The following FBXL20 variants were observed in gnomAD, a reference collection of about 807,000 sequenced individuals.
FBXL20 encodes F-box/LRR-repeat protein 20.
A neutral mutation model predicts 64.0 loss-of-function variants in FBXL20; 11 were observed. The ratio of observed to expected loss-of-function variants is 0.17; its 90% CI spans 0.11 to 0.28. The LOEUF is 0.28. Ranked by LOEUF, FBXL20 falls within the 10% of genes least tolerant of loss-of-function variation. The probability of loss-of-function intolerance (pLI) is 1.00; values close to 1 mark genes in which losing one functional copy is unlikely to be tolerated. For synonymous variants in FBXL20, 184 were observed against 189.0 expected (o/e 0.97, Z 0.22); for missense variants, 303 against 526.2 (o/e 0.58, Z 4.15).
chr17:39,358,306 C>T, intron 1 of FBXL20, among the ~76,000 whole-genome samples: 1 of 152,206 alleles, frequency 6.6e-6, no homozygotes. Context: ...GATTTAAATA[C>T]TAACCTCTTC....
chr17:39,340,175 C>T (rs537927481), intron 2 of FBXL20, among the ~76,000 whole-genome samples: 191 of 152,160 alleles, frequency 1.3e-3, no homozygotes, highest in Non-Finnish European at 2.1e-3. Flanking sequence ...TGGCTCACTG[C>T]AACCTCTGCC....
chr17:39,294,290 T>C (rs1410986906), intron 6 of FBXL20, among the ~76,000 whole-genome samples: 1 of 151,712 alleles, frequency 6.6e-6, no homozygotes, highest in African/African-American at 2.4e-5. Context: ...TTTATTATTT[T>C]TTTGAGACAG....
intron 1 of FBXL20, among the ~76,000 whole-genome samples, chr17:39,391,353 TAGCAG>T (rs1192475560): frequency 6.6e-6 from 1 of 152,096 alleles, no homozygotes; most frequent in East Asian, 1.9e-4. Flanking sequence ...TTTTCTTTAA[TAGCAG>T]ATGTAAGCAA....
intron 1 of FBXL20, among the ~76,000 whole-genome samples, chr17:39,389,490 G>A (rs140094680): frequency 0.015 from 2,286 of 152,304 alleles, 31 homozygotes; most frequent in Non-Finnish European, 0.021. Flanking sequence ...CAAGTGCAGT[G>A]GGAAAGGGTA....
intron 9 of FBXL20, among the ~76,000 whole-genome samples, chr17:39,277,474 A>G (rs1014465449): frequency 2.0e-5 from 3 of 152,168 alleles, no homozygotes; most frequent in African/African-American, 7.2e-5. Context: ...AAAAAATTGT[A>G]GGCCAGGCAC....
intron 9 of FBXL20, among the ~76,000 whole-genome samples, chr17:39,275,522 G>A (rs1393367532): frequency 1.3e-5 from 2 of 151,756 alleles, no homozygotes; most frequent in Admixed American, 1.3e-4. Context: ...AGCGATTCTC[G>A]TGCCTCAGCC....
chr17:39,394,089 C>G (rs2048159995), intron 1 of FBXL20, among the ~76,000 whole-genome samples: 1 of 152,152 alleles, frequency 6.6e-6, no homozygotes, highest in South Asian at 2.1e-4. Context: ...CTTAGTCTCA[C>G]TAAGTCTGGA....
intron 2 of FBXL20, among the ~76,000 whole-genome samples, chr17:39,304,864 G>T (rs1457457949): frequency 6.6e-6 from 1 of 151,902 alleles, no homozygotes; most frequent in African/African-American, 2.4e-5. Flanking sequence ...TCAAGTGGTT[G>T]TCGTGCCTCA....
chr17:39,309,802 AAAAGAAAAGAAAAAT>A (rs1231391172), intron 2 of FBXL20, among the ~76,000 whole-genome samples: 7 of 151,404 alleles, frequency 4.6e-5, no homozygotes, highest in African/African-American at 7.3e-5. Flanking sequence ...AAAAAAAAAA[AAAAGAAAAGAAAAAT>A]AAAGAAAAGA....
At chr17:39,334,262 T>C (rs1252307298) in intron 2 of FBXL20, among the ~76,000 whole-genome samples, 1 of 152,174 alleles carries the variant, frequency 6.6e-6, no homozygotes, top group Non-Finnish European at 1.5e-5. Flanking sequence ...AAACAGATGC[T>C]TGAAGGCAGC....
Position 39,367,941 on chromosome 17 carries a change from C to CT in FBXL20, c.43-24701dup, listed in dbSNP as rs904392558. The stretch of plus-strand genomic sequence containing the variant: ...ACCACACCCAGCTAATTTTTTTTTT[C>CT]TTTTTTTTGTACTTTTGGTAGAGAA... On this transcript the variant is annotated intron_variant, in intron 1 of 14. Transcript: ENST00000264658. Among the ~76,000 whole-genome samples, 432 of 150,086 alleles carry CT rather than the reference C, an allele frequency of 2.9e-3. 5 individuals carry two copies. Among genetic ancestry groups the CT allele is most frequent in the African/African-American group, 9.5e-3 (388 of 40,958 alleles).
Position 39,356,214 on chromosome 17 carries a change from CAAAAAAA to C in FBXL20, c.43-12980_43-12974del, listed in dbSNP as rs56838813. On this transcript the variant is annotated intron_variant, in intron 1 of 14. Transcript: ENST00000264658. ...TAGGCGACAGAGCGAGACTCCATCT[CAAAAAAA>C]AAAAAAAAAAAAAAAGTTTTATAGT... 1.6e-3 allele frequency among the ~76,000 whole-genome samples: 123 copies of C among 75,880 alleles called. 3 individuals are homozygous for C. The highest frequency in any genetic ancestry group is 4.3e-3 in the African/African-American group (98 of 22,580). 49.8% of individuals were successfully genotyped at this position (75,880 alleles called of 152,430 possible).
Position 39,270,819 on chromosome 17 carries a change from C to T in FBXL20, c.865G>A (p.Val289Met). ...EVARCSQLTDVGFTTLARNCH... is the reference protein window; with the variant it reads ...EVARCSQLTDMGFTTLARNCH... ...ACCCTGGCTAGAGTGGTAAAGCCCA[C>T]ATCTGTTAATTGAGAACATCTTGCC... is the stretch of plus-strand genomic sequence containing the variant. Residue 289 changes from valine (V) to methionine (M), a missense_variant, in exon 11 of 15, where the codon GTG becomes ATG. By Grantham distance (21) the Val-to-Met change is conservative. Coordinates refer to ENST00000264658, the MANE Select transcript of FBXL20 (RefSeq NM_032875.3). 3 of 1,602,890 alleles carry T rather than the reference C, an allele frequency of 1.9e-6. 1 individual carries two copies. The Middle Eastern group carries it at 5.0e-4, about 266-fold the overall frequency.
At chr17:39,362,985 C>A (rs1355449026) in intron 1 of FBXL20, among the ~76,000 whole-genome samples, 1 of 151,764 alleles carries the variant, frequency 6.6e-6, no homozygotes, top group African/African-American at 2.4e-5. Flanking sequence ...ACATCCCTTT[C>A]CTACATTTTA....
At chr17:39,398,511 G>A (rs1038159144) in intron 1 of FBXL20, among the ~76,000 whole-genome samples, 1 of 151,934 alleles carries the variant, frequency 6.6e-6, no homozygotes, top group Non-Finnish European at 1.5e-5. Context: ...GACCTACAAG[G>A]GTTATTACTG....
chr17:39,320,156 T>C (rs1039328836), intron 2 of FBXL20, among the ~76,000 whole-genome samples: 1 of 152,162 alleles, frequency 6.6e-6, no homozygotes, highest in African/African-American at 2.4e-5. Flanking sequence ...ACAATAGATA[T>C]GCAAATAATT....
At chr17:39,333,780 G>A (rs890423567) in intron 2 of FBXL20, among the ~76,000 whole-genome samples, 10 of 151,154 alleles carry the variant, frequency 6.6e-5, no homozygotes, top group African/African-American at 2.2e-4. Flanking sequence ...TGTGAAGAGT[G>A]CCTCTGCCCG....
At chr17:39,358,691 C>A (rs1276671206) in intron 1 of FBXL20, among the ~76,000 whole-genome samples, 3 of 150,178 alleles carry the variant, frequency 2.0e-5, no homozygotes, top group South Asian at 4.2e-4. Context: ...CAAAAAAAAA[C>A]AAAAAAACAA....
chr17:39,321,917 G>A (rs1377685449), intron 2 of FBXL20, among the ~76,000 whole-genome samples: 1 of 151,878 alleles, frequency 6.6e-6, no homozygotes, highest in Non-Finnish European at 1.5e-5. Flanking sequence ...TAAAAAATCA[G>A]TAATAATTGG....
Sources: gnomAD v4.1 joint callset for allele counts (sites outside exome capture counted in the v4.1 genomes callset) on GRCh38, gnomAD v4.1.1 for gene constraint, MANE v1.5 for transcripts, NCBI Gene and HGNC (gene_info 2026-07-23, HGNC 2026-07-21) for gene names.